Variants in PRKG1 observed in about 807,000 individuals in gnomAD.
The protein encoded by PRKG1 is protein kinase cGMP-dependent 1.
In PRKG1, 35 loss-of-function variants were observed where a neutral mutation model predicts 88.1. The ratio of observed to expected loss-of-function variants is 0.40; its 90% CI spans 0.30 to 0.53. PRKG1 has a LOEUF of 0.53. PRKG1 is among the 20% of genes least tolerant of loss of function. The probability of loss-of-function intolerance (pLI) is 0.59; values close to 1 mark genes in which losing one functional copy is unlikely to be tolerated. For synonymous variants in PRKG1, 303 were observed against 292.5 expected, an observed-to-expected ratio of 1.04 and a Z score of -0.37; for missense variants, 540 against 839.8, an observed-to-expected ratio of 0.64 and a Z score of 4.41.
At chr10:51,990,427 C>T (rs545366137) in intron 5 of PRKG1, among the ~76,000 whole-genome samples, 6 of 152,006 alleles carry the variant, frequency 3.9e-5, no homozygotes, top group Non-Finnish European at 8.8e-5. Flanking sequence ...GAGGAGTATG[C>T]ACATTTTAGT....
intron 4 of PRKG1, among the ~76,000 whole-genome samples, chr10:51,850,489 T>TTA (rs141736837): frequency 0.014 from 2,063 of 143,640 alleles, 36 homozygotes; most frequent in African/African-American, 0.042. Context: ...TGTTGCAATT[T>TTA]TATATATATA....
chr10:51,738,130 GAAAAT>G (rs1837339520), intron 3 of PRKG1, among the ~76,000 whole-genome samples: 2 of 152,070 alleles, frequency 1.3e-5, no homozygotes, highest in South Asian at 4.1e-4. Flanking sequence ...TGGGGGAAAT[GAAAAT>G]AAGAGTATTG....
chr10:51,099,519 T>C (rs1235206339), intron 1 of PRKG1, among the ~76,000 whole-genome samples: 1 of 152,104 alleles, frequency 6.6e-6, no homozygotes, highest in East Asian at 1.9e-4. Flanking sequence ...CTAACTAGGA[T>C]TTATGTTCCT....
intron 4 of PRKG1, among the ~76,000 whole-genome samples, chr10:51,824,999 A>G (rs1473095800): frequency 1.3e-5 from 2 of 152,170 alleles, no homozygotes; most frequent in East Asian, 3.8e-4. Context: ...TGGATAAAAA[A>G]TAGTTTTTCT....
At chr10:51,246,614 A>G (rs79090038) in intron 2 of PRKG1, among the ~76,000 whole-genome samples, 2 of 23,944 alleles carry the variant, frequency 8.4e-5, no homozygotes, top group African/African-American at 2.3e-3. Context: ...GAAAAAAAAG[A>G]AAAAAAAAAA....
chr10:52,108,310 G>A (rs543125760), intron 7 of PRKG1, among the ~76,000 whole-genome samples: 15 of 152,250 alleles, frequency 9.9e-5, no homozygotes, highest in Admixed American at 8.5e-4. Context: ...AGAAGTAATG[G>A]CTTTCAATCT....
At chr10:51,053,432 G>T (rs544706426) in intron 1 of PRKG1, among the ~76,000 whole-genome samples, 2 of 152,162 alleles carry the variant, frequency 1.3e-5, no homozygotes, top group Non-Finnish European at 2.9e-5. Flanking sequence ...AGGCACATGG[G>T]ATCTGTATGG....
At chr10:51,579,574 C>A (rs1837977819) in intron 3 of PRKG1, among the ~76,000 whole-genome samples, 1 of 151,904 alleles carries the variant, frequency 6.6e-6, no homozygotes, top group Non-Finnish European at 1.5e-5. Flanking sequence ...CCATATTTAC[C>A]AATTTTTATT....
At chr10:51,503,140 C>T (rs1841081837) in intron 3 of PRKG1, among the ~76,000 whole-genome samples, 1 of 152,042 alleles carries the variant, frequency 6.6e-6, no homozygotes, top group Non-Finnish European at 1.5e-5. Flanking sequence ...TTGAACGTAC[C>T]AAGTCCTGTA....
intron 4 of PRKG1, among the ~76,000 whole-genome samples, chr10:51,843,904 A>G (rs1479232145): frequency 1.3e-5 from 2 of 152,034 alleles, no homozygotes; most frequent in Non-Finnish European, 2.9e-5. Flanking sequence ...CATTTGAGAG[A>G]AGTGACTGAG....
chr10:51,270,705 C>T (rs1839956759), intron 2 of PRKG1, among the ~76,000 whole-genome samples: 1 of 152,068 alleles, frequency 6.6e-6, no homozygotes, highest in Non-Finnish European at 1.5e-5. Context: ...CAACCCTTTC[C>T]ATGACTTGTG....
intron 1 of PRKG1, among the ~76,000 whole-genome samples, chr10:51,039,916 T>C (rs566671577): frequency 2.0e-5 from 3 of 152,288 alleles, no homozygotes; most frequent in South Asian, 4.1e-4. Flanking sequence ...GATTGTTTAT[T>C]CTGTTCTATT....
At position 52,046,061 on chromosome 10, in the gene PRKG1, T is replaced by A. The variant is rs532022539; in HGVS notation, c.763-8423T>A. On this transcript the variant is annotated intron_variant, in intron 5 of 17. Transcript: ENST00000373980. Reference sequence around the variant, plus strand: ...ATCCACAGGACATTAACTAGGGAGATCTCTGAATTTTGAATACAAAGTAAG... The same window carrying A: ...ATCCACAGGACATTAACTAGGGAGAACTCTGAATTTTGAATACAAAGTAAG... Among the ~76,000 whole-genome samples, 15 of 152,252 alleles carry A rather than the reference T, an allele frequency of 9.9e-5. No individual in the cohort carries two copies. The South Asian group carries it at 3.1e-3, about 32-fold the overall frequency.
intron 1 of PRKG1, among the ~76,000 whole-genome samples, chr10:51,078,807 C>T (rs769959722): frequency 5.3e-5 from 8 of 151,584 alleles, no homozygotes; most frequent in Non-Finnish European, 7.4e-5. Context: ...TCAGTAGAGA[C>T]GGGGTTTCAC....
intron 3 of PRKG1, among the ~76,000 whole-genome samples, chr10:51,615,257 A>C (rs1473670579): frequency 2.6e-5 from 4 of 152,054 alleles, no homozygotes; most frequent in Non-Finnish European, 4.4e-5. Flanking sequence ...AGTCTTTTTT[A>C]GAATAATTCC....
At chr10:51,706,232 C>A (rs896670641) in intron 3 of PRKG1, among the ~76,000 whole-genome samples, 3 of 152,086 alleles carry the variant, frequency 2.0e-5, no homozygotes, top group Non-Finnish European at 2.9e-5. Flanking sequence ...TCCCAAAATG[C>A]TTAGTGTATT....
intron 3 of PRKG1, among the ~76,000 whole-genome samples, chr10:51,557,085 C>T (rs1333125486): frequency 3.3e-5 from 5 of 151,914 alleles, no homozygotes; most frequent in African/African-American, 4.8e-5. Flanking sequence ...CATATAAATG[C>T]GTATAGTCAT....
chr10:51,705,133 T>C (rs1841574310), intron 3 of PRKG1, among the ~76,000 whole-genome samples: 1 of 152,174 alleles, frequency 6.6e-6, no homozygotes, highest in Admixed American at 6.5e-5. Flanking sequence ...CTTTTTGTGA[T>C]ACTATTTGTC....
rs531149572 is a variant in PRKG1, at chr10:52,292,143, T to C, written c.1963-1659T>C. Among the ~76,000 whole-genome samples, 4 of 151,936 alleles carry C rather than the reference T, an allele frequency of 2.6e-5. No individual in the cohort carries two copies. In the East Asian group the frequency reaches 7.8e-4, roughly 30 times the overall value. Reference sequence around the variant, plus strand: ...TTTCTTGTAAATTTGTTTGAGTTCATTGTAGATTCTGGATATTAGCCCTTT... The same window carrying C: ...TTTCTTGTAAATTTGTTTGAGTTCACTGTAGATTCTGGATATTAGCCCTTT... On this transcript the variant is annotated intron_variant, in intron 17 of 17. Transcript: ENST00000373980.
Sources: allele counts gnomAD v4.1 joint callset (sites outside exome capture counted in the v4.1 genomes callset), GRCh38; gene constraint gnomAD v4.1.1; transcripts MANE v1.5; gene names NCBI Gene and HGNC (gene_info 2026-07-23, HGNC 2026-07-21).